The following ITFG1 variants were observed in gnomAD, a reference collection of about 807,000 sequenced individuals.
ITFG1 encodes the protein T-cell immunomodulatory protein.
A neutral mutation model predicts 81.8 loss-of-function variants in ITFG1; 34 were observed. The ratio of observed to expected loss-of-function variants is 0.42; its 90% confidence interval spans 0.32 to 0.55. The LOEUF (loss-of-function observed/expected upper bound fraction) is 0.55. Ranked by LOEUF, ITFG1 falls within the 20% of genes least tolerant of loss-of-function variation. The probability of loss-of-function intolerance (pLI) is 0.17; values close to 1 mark genes in which losing one functional copy is unlikely to be tolerated. For missense variants in ITFG1, 672 were observed against 755.4 expected (o/e 0.89, Z 1.29); for synonymous variants, 285 against 270.6 (o/e 1.05, Z -0.52).
At chr16:47,237,127 G>A (rs189688436) in intron 13 of ITFG1, among the ~76,000 whole-genome samples, 2 of 152,290 alleles carry the variant, frequency 1.3e-5, no homozygotes, top group East Asian at 3.9e-4. Flanking sequence ...GTTGCCCCCA[G>A]TTTGAGTCTA....
chr16:47,347,801 G>C (rs1338435124), intron 8 of ITFG1, among the ~76,000 whole-genome samples: 1 of 152,172 alleles, frequency 6.6e-6, no homozygotes, highest in South Asian at 2.1e-4. Flanking sequence ...CCCAAGTAGG[G>C]GCAGACTGAC....
intron 6 of ITFG1, among the ~76,000 whole-genome samples, chr16:47,400,582 G>A (rs2151599072): frequency 6.6e-6 from 1 of 152,198 alleles, no homozygotes; most frequent in East Asian, 1.9e-4. Flanking sequence ...TTCTACTAGG[G>A]TACAAAGACA....
At chr16:47,183,147 T>C (rs1305528358) in intron 14 of ITFG1, among the ~76,000 whole-genome samples, 1 of 152,214 alleles carries the variant, frequency 6.6e-6, no homozygotes, top group African/African-American at 2.4e-5. Context: ...GGAGTCTCGC[T>C]GATTGCCAGC....
At chr16:47,212,841 A>G (rs1403792027) in intron 14 of ITFG1, among the ~76,000 whole-genome samples, 1 of 152,102 alleles carries the variant, frequency 6.6e-6, no homozygotes, top group African/African-American at 2.4e-5. Flanking sequence ...GTCCTGGTAC[A>G]GATTTGTCAA....
chr16:47,162,247 A>G (rs1011455691), intron 15 of ITFG1, among the ~76,000 whole-genome samples: 3 of 151,946 alleles, frequency 2.0e-5, no homozygotes, highest in Non-Finnish European at 4.4e-5. Context: ...TAAAATATTT[A>G]TGTACACGTT....
At position 47,391,002 on chromosome 16, in the gene ITFG1, CAAAT is replaced by C. The variant is rs1399013445; in HGVS notation, c.656-15066_656-15063del. Among the ~76,000 whole-genome samples, 6 of 151,676 alleles carry C rather than the reference CAAAT, an allele frequency of 4.0e-5. No homozygotes were observed. In the South Asian group the frequency reaches 6.2e-4, roughly 16 times the overall value. On this transcript the variant is annotated intron_variant, in intron 6 of 17. Coordinates refer to ENST00000320640, the MANE Select transcript of ITFG1 (RefSeq NM_030790.5). ...GTGAAAAATATCATTTAGGAAGAGACAAATAAAGTCCATGGGAATCCCGAGCCTG... is the reference window on the plus strand; with the variant it reads ...GTGAAAAATATCATTTAGGAAGAGACAAAGTCCATGGGAATCCCGAGCCTG...
intron 8 of ITFG1, among the ~76,000 whole-genome samples, chr16:47,316,221 T>C (rs1452776247): frequency 6.6e-6 from 1 of 152,234 alleles, no homozygotes; most frequent in African/African-American, 2.4e-5. Flanking sequence ...TTCAGTTTTT[T>C]GTACTTTTTT....
At chr16:47,252,656 T>G (rs1254739627) in intron 12 of ITFG1, among the ~76,000 whole-genome samples, 1 of 152,222 alleles carries the variant, frequency 6.6e-6, no homozygotes, top group Non-Finnish European at 1.5e-5. Context: ...TCTGCTGTGC[T>G]GTGCGTAAGA....
At chr16:47,339,462 T>C (rs915354103) in intron 8 of ITFG1, among the ~76,000 whole-genome samples, 2 of 152,150 alleles carry the variant, frequency 1.3e-5, no homozygotes, top group Non-Finnish European at 2.9e-5. Context: ...AAAGAAAATA[T>C]AGGCAAGTAG....
chr16:47,264,206 T>G (rs1245678291), intron 10 of ITFG1, among the ~76,000 whole-genome samples: 2 of 152,194 alleles, frequency 1.3e-5, no homozygotes, highest in African/African-American at 4.8e-5. Context: ...CTAAGCTTTC[T>G]TCTAGGCACA....
intron 13 of ITFG1, among the ~76,000 whole-genome samples, chr16:47,224,952 T>C (rs941219749): frequency 4.6e-5 from 7 of 152,030 alleles, no homozygotes; most frequent in Non-Finnish European, 1.0e-4. Flanking sequence ...TGAGCCATGA[T>C]TGCACCACTG....
At chr16:47,326,685 C>CA (rs1244013811) in intron 8 of ITFG1, among the ~76,000 whole-genome samples, 1 of 152,094 alleles carries the variant, frequency 6.6e-6, no homozygotes, top group African/African-American at 2.4e-5. Flanking sequence ...CAAAAACAGA[C>CA]AAACAGAGAG....
At chr16:47,336,990 C>G (rs1158495512) in intron 8 of ITFG1, among the ~76,000 whole-genome samples, 2 of 148,342 alleles carry the variant, frequency 1.3e-5, no homozygotes, top group Non-Finnish European at 1.5e-5. Context: ...AAAAAAGAGG[C>G]TGGGTACAGT....
intron 6 of ITFG1, among the ~76,000 whole-genome samples, chr16:47,410,773 C>T (rs1346522948): frequency 6.6e-6 from 1 of 152,198 alleles, no homozygotes; most frequent in Admixed American, 6.5e-5. Context: ...GGCAGGCAAT[C>T]TACCTGGAGA....
intron 14 of ITFG1, among the ~76,000 whole-genome samples, chr16:47,185,160 A>C (rs1369611910): frequency 6.6e-6 from 1 of 152,018 alleles, no homozygotes; most frequent in Admixed American, 6.6e-5. Context: ...AGAGACTTAG[A>C]CTCCCACACA....
rs376061139 is a variant in ITFG1 at position 47,169,721 on chromosome 16, T to C, written c.1454-7057A>G. ...AAGTGTAGGAATTCCAGTAAAAAGGTGAATAGCAGGAGTGAAAGTGGGCAT... is the reference window on the plus strand; with the variant it reads ...AAGTGTAGGAATTCCAGTAAAAAGGCGAATAGCAGGAGTGAAAGTGGGCAT... On this transcript the variant is annotated intron_variant, in intron 14 of 17. Coordinates refer to ENST00000320640, the MANE Select transcript of ITFG1 (RefSeq NM_030790.5). Among the ~76,000 whole-genome samples, 7 of 152,306 alleles carry C rather than the reference T, an allele frequency of 4.6e-5. No homozygotes were observed. In the East Asian group the frequency reaches 7.7e-4, roughly 17 times the overall value.
At chr16:47,190,260 G>T (rs1167216925) in intron 14 of ITFG1, among the ~76,000 whole-genome samples, 1 of 152,066 alleles carries the variant, frequency 6.6e-6, no homozygotes. Context: ...CTGGTACATG[G>T]ATAAAAGATG....
intron 14 of ITFG1, among the ~76,000 whole-genome samples, chr16:47,163,954 T>C (rs28529261): frequency 0.041 from 3,997 of 96,524 alleles, 70 homozygotes; most frequent in African/African-American, 0.077. Context: ...CACACACACA[T>C]ACACACACAC....
intron 13 of ITFG1, among the ~76,000 whole-genome samples, chr16:47,231,722 TA>T (rs1478132935): frequency 6.6e-6 from 1 of 152,234 alleles, no homozygotes; most frequent in Non-Finnish European, 1.5e-5. Flanking sequence ...TATTGTGTAT[TA>T]GGGCCTACTA....
Sources: allele counts gnomAD v4.1 joint callset (sites outside exome capture counted in the v4.1 genomes callset), GRCh38; gene constraint gnomAD v4.1.1; transcripts MANE v1.5; gene names NCBI Gene and HGNC (gene_info 2026-07-23, HGNC 2026-07-21).